Variants in PTN observed in about 807,000 individuals in gnomAD.
The protein encoded by PTN is heparin affin regulatory protein.
Under a neutral mutation model 24.1 loss-of-function variants are expected in PTN, and 18 were observed. The observed-to-expected ratio is 0.75, with a 90% CI of 0.52 to 1.11. The LOEUF is 1.11. PTN is among the 50% of genes least tolerant of loss of function. The pLI is 0.00. For missense variants in PTN, 163 were observed against 198.8 expected, an observed-to-expected ratio of 0.82 and a Z score of 1.08; for synonymous variants, 78 against 68.6, an observed-to-expected ratio of 1.14 and a Z score of -0.67.
At chr7:137,291,446 G>A (rs890555175) in intron 1 of PTN, among the ~76,000 whole-genome samples, 1 of 152,036 alleles carries the variant, frequency 6.6e-6, no homozygotes, top group Non-Finnish European at 1.5e-5. Flanking sequence ...CTTTATGAAA[G>A]TTGAGAATTA....
chr7:137,267,339 C>T (rs1031310278), intron 1 of PTN, among the ~76,000 whole-genome samples: 20 of 152,014 alleles, frequency 1.3e-4, no homozygotes, highest in Non-Finnish European at 2.8e-4. Flanking sequence ...CTCTTTCTCT[C>T]TGCTGGTCTT....
At chr7:137,230,087 C>T (rs1307530912) in intron 4 of PTN, among the ~76,000 whole-genome samples, 1 of 151,740 alleles carries the variant, frequency 6.6e-6, no homozygotes, top group Non-Finnish European at 1.5e-5. Flanking sequence ...CATATTTTGG[C>T]TAACATGTTC....
intron 1 of PTN, among the ~76,000 whole-genome samples, chr7:137,292,915 C>A (rs1350253867): frequency 6.6e-6 from 1 of 152,086 alleles, no homozygotes; most frequent in Non-Finnish European, 1.5e-5. Context: ...AAAAAGTAAT[C>A]AAAATGTGAA....
At chr7:137,341,698 T>A (rs1810536689) in intron 1 of PTN, among the ~76,000 whole-genome samples, 1 of 152,090 alleles carries the variant, frequency 6.6e-6, no homozygotes, top group Non-Finnish European at 1.5e-5. Flanking sequence ...AGGTGGGAGT[T>A]CCTTATAGTG....
intron 4 of PTN, among the ~76,000 whole-genome samples, chr7:137,237,596 C>T (rs1353118194): frequency 6.6e-6 from 1 of 152,118 alleles, no homozygotes; most frequent in Non-Finnish European, 1.5e-5. Flanking sequence ...AACTTAGGTG[C>T]TAAGCAATAT....
intron 1 of PTN, among the ~76,000 whole-genome samples, chr7:137,267,535 C>T (rs1237669333): frequency 3.9e-5 from 6 of 152,130 alleles, no homozygotes; most frequent in African/African-American, 1.4e-4. Context: ...GCCAACCCAC[C>T]TCAAATGCTG....
chr7:137,265,755 T>C lies in PTN; in HGVS notation c.-1-10781A>G, dbSNP rs573216687. On this transcript the variant is annotated intron_variant, in intron 1 of 4. Coordinates refer to ENST00000348225, the MANE Select transcript of PTN (RefSeq NM_002825.7). ...CCTGCCATGTGCACAAGCATAACAA[T>C]TGCTTTTGTTTAACGTGCAGATGGA... Among the ~76,000 whole-genome samples the C allele has an allele frequency of 3.9e-5, 6 of 152,260 alleles. 1 individual carries two copies. The South Asian group carries it at 8.3e-4, about 21-fold the overall frequency.
At chr7:137,302,241 AG>A (rs1299829795) in intron 1 of PTN, among the ~76,000 whole-genome samples, 2 of 152,008 alleles carry the variant, frequency 1.3e-5, no homozygotes, top group African/African-American at 4.8e-5. Flanking sequence ...CCTAATCCTC[AG>A]AGAAGCTAAA....
chr7:137,306,683 A>C (rs186039433), intron 1 of PTN, among the ~76,000 whole-genome samples: 68 of 152,224 alleles, frequency 4.5e-4, no homozygotes, highest in African/African-American at 1.6e-3. Flanking sequence ...GCAGATTTGG[A>C]AATGTATTCA....
In PTN at chr7:137,294,398, T is replaced by C. The variant is rs1015097204; in HGVS notation, c.-1-39424A>G. 4.6e-5 allele frequency among the ~76,000 whole-genome samples: 7 copies of C among 152,176 alleles called. No homozygotes were observed. The East Asian group carries it at 1.2e-3, about 25-fold the overall frequency. On this transcript the variant is annotated intron_variant, in intron 1 of 4. Transcript: ENST00000348225. ...AGAGAAGTTCTCCCGACTCTCTCTC[T>C]GGCTTGGGCAGCCTTGTGCAGAGCA... is the stretch of plus-strand genomic sequence containing the variant.
intron 1 of PTN, among the ~76,000 whole-genome samples, chr7:137,333,018 G>A (rs1810384149): frequency 6.6e-6 from 1 of 152,188 alleles, no homozygotes; most frequent in Admixed American, 6.6e-5. Context: ...CAGTGTTGGA[G>A]GTGGTGCCAG....
At chr7:137,228,896 T>G (rs551313957) in intron 4 of PTN, among the ~76,000 whole-genome samples, 1 of 151,970 alleles carries the variant, frequency 6.6e-6, no homozygotes, top group East Asian at 1.9e-4. Flanking sequence ...TTGCTAAATA[T>G]TTCTGAGCCA....
intron 1 of PTN, among the ~76,000 whole-genome samples, chr7:137,262,755 T>C (rs1375385913): frequency 1.3e-5 from 2 of 152,174 alleles, no homozygotes; most frequent in African/African-American, 4.8e-5. Context: ...TGAAACAGAA[T>C]AGAACGGGAG....
intron 4 of PTN, among the ~76,000 whole-genome samples, chr7:137,249,473 G>A (rs572678904): frequency 2.6e-5 from 4 of 152,216 alleles, no homozygotes; most frequent in African/African-American, 9.6e-5. Flanking sequence ...TGGGAGTTTT[G>A]CAAGTTCCCA....
intron 1 of PTN, among the ~76,000 whole-genome samples, chr7:137,275,169 T>C (rs1425714011): frequency 6.6e-6 from 1 of 152,208 alleles, no homozygotes; most frequent in African/African-American, 2.4e-5. Flanking sequence ...GAGGCAGCTT[T>C]GCACAGAGGG....
At chr7:137,248,463 A>AT (rs1184400834) in intron 4 of PTN, among the ~76,000 whole-genome samples, 1 of 152,166 alleles carries the variant, frequency 6.6e-6, no homozygotes, top group African/African-American at 2.4e-5. Flanking sequence ...AGGCGGGTGT[A>AT]TCATTTGAGG....
intron 4 of PTN, among the ~76,000 whole-genome samples, chr7:137,238,488 A>G (rs540307863): frequency 1.3e-5 from 2 of 152,346 alleles, no homozygotes; most frequent in African/African-American, 4.8e-5. Context: ...ACAGGGCTCA[A>G]TCAGTCATAA....
chr7:137,321,491 C>T (rs1447552428), intron 1 of PTN, among the ~76,000 whole-genome samples: 2 of 152,132 alleles, frequency 1.3e-5, no homozygotes, highest in Non-Finnish European at 2.9e-5. Context: ...GGCAATATTT[C>T]TTCTGGCACT....
chr7:137,306,462 G>T (rs921100618), intron 1 of PTN, among the ~76,000 whole-genome samples: 2 of 152,002 alleles, frequency 1.3e-5, no homozygotes, highest in African/African-American at 4.8e-5. Flanking sequence ...CCATACTCAC[G>T]AAAGGCTAAT....
Sources: gnomAD v4.1 joint callset for allele counts (sites outside exome capture counted in the v4.1 genomes callset) on GRCh38, gnomAD v4.1.1 for gene constraint, MANE v1.5 for transcripts, NCBI Gene and HGNC (gene_info 2026-07-23, HGNC 2026-07-21) for gene names.